LY9: variants seen among roughly 807,000 people sequenced by gnomAD.
LY9 encodes lymphocyte antigen 9, also known as T-lymphocyte surface antigen Ly-9.
In LY9, 59 loss-of-function variants were observed where a neutral mutation model predicts 64.6. That is an observed-to-expected ratio of 0.91 (90% CI 0.74 to 1.13). LY9 has a LOEUF of 1.13. Ranked by LOEUF, LY9 falls within the 50% of genes most tolerant of loss-of-function variation. LY9 has a pLI of 0.00. For synonymous variants in LY9, 281 were observed against 308.5 expected, an observed-to-expected ratio of 0.91 and a Z score of 0.93; for missense variants, 789 against 797.2, an observed-to-expected ratio of 0.99 and a Z score of 0.12.
At chr1:160,817,818 C>A (rs1405951852) in intron 5 of LY9, among the ~76,000 whole-genome samples, 1 of 152,196 alleles carries the variant, frequency 6.6e-6, no homozygotes, top group Admixed American at 6.5e-5. Context: ...CAGGATCTGA[C>A]AATGTTGGGT....
chr1:160,823,449 GCACAATGTGTTCCAGAACC>G lies in LY9; in HGVS notation c.1499-11_1506del, dbSNP rs773437909. ...GGGTTGGCATACTTTTATCAGCCCT[GCACAATGTGTTCCAGAACC>G]CACAGCTGGCCACACGCTATACTCT... is the stretch of plus-strand genomic sequence containing the variant. On this transcript the variant is annotated splice_acceptor_variant and splice_polypyrimidine_tract_variant and coding_sequence_variant and intron_variant, in exon 8 of 10. Coordinates refer to ENST00000263285, the MANE Select transcript of LY9 (RefSeq NM_002348.4). LOFTEE classifies it high-confidence loss of function. 1 of 1,595,508 alleles carries G rather than the reference GCACAATGTGTTCCAGAACC, an allele frequency of 6.3e-7. No individual in the cohort carries two copies. Among genetic ancestry groups the G allele is most frequent in the Non-Finnish European group, 8.6e-7 (1 of 1,166,078 alleles).
intron 2 of LY9, chr1:160,812,142 C>A (rs192694249): frequency 2.0e-5 from 3 of 152,332 alleles, no homozygotes; most frequent in Admixed American, 2.0e-4. Flanking sequence ...GGCTTGGTTT[C>A]TTCTGCGGCC....
Position 160,827,846 on chromosome 1 carries a change from G to A in LY9, c.*30G>A. ...AAAAGCAGCTGCTGCCTCTCTCCTG[G>A]GACCGTGGGGTTGGAAAGTCAGCTG... On this transcript the variant is annotated 3_prime_UTR_variant, in exon 10 of 10. Transcript: ENST00000263285. 1 of 1,589,388 alleles carries A rather than the reference G, an allele frequency of 6.3e-7. No individual in the cohort carries two copies. The highest frequency in any genetic ancestry group is 8.6e-7 in the Non-Finnish European group (1 of 1,163,866).
At chr1:160,802,262 C>T in intron 2 of LY9, 3 of 1,027,702 alleles carry the variant, frequency 2.9e-6, no homozygotes, top group Non-Finnish European at 3.5e-6. Flanking sequence ...AGCCTGTCCA[C>T]CCTGCAAAGA....
intron 2 of LY9, among the ~76,000 whole-genome samples, chr1:160,809,198 T>G (rs1022924757): frequency 1.3e-5 from 2 of 151,928 alleles, no homozygotes; most frequent in Admixed American, 1.3e-4. Flanking sequence ...CATTCTTTTT[T>G]TTTTTGAGAC....
At chr1:160,797,366 G>A (rs1342859093) in intron 1 of LY9, 10 of 817,206 alleles carry the variant, frequency 1.2e-5, no homozygotes, top group East Asian at 2.5e-4. Flanking sequence ...ATGGGTGAAC[G>A]AGGAGCCTAG....
chr1:160,806,922 C>CT (rs1490365291), intron 2 of LY9, among the ~76,000 whole-genome samples: 1 of 151,978 alleles, frequency 6.6e-6, no homozygotes, highest in East Asian at 1.9e-4. Context: ...CTTTTTTATT[C>CT]TTTTTATTTA....
intron 4 of LY9, among the ~76,000 whole-genome samples, chr1:160,815,736 G>C (rs1049538167): frequency 6.6e-6 from 1 of 152,198 alleles, no homozygotes; most frequent in African/African-American, 2.4e-5. Flanking sequence ...GCCAAAGTTG[G>C]CTGGGGTGAA....
At chr1:160,819,471 G>A in intron 7 of LY9, 97 bp downstream of exon 7, 1 of 1,084,198 alleles carries the variant, frequency 9.2e-7, no homozygotes, top group African/African-American at 1.5e-5. Context: ...CAGCAGTGTG[G>A]GCATCACCCA....
At chr1:160,812,435 T>G (rs1017562132) in intron 2 of LY9, 1 of 23,056 alleles carries the variant, frequency 4.3e-5, no homozygotes, top group Non-Finnish European at 1.5e-4. Context: ...TATCAGATAA[T>G]TTGACCGTTT....
chr1:160,798,128 C>T (rs975757483), intron 1 of LY9, among the ~76,000 whole-genome samples: 1 of 152,150 alleles, frequency 6.6e-6, no homozygotes, highest in Non-Finnish European at 1.5e-5. Flanking sequence ...CCCTGTGAGG[C>T]CCACATCCTG....
At chr1:160,819,012 A>G (rs568848241) in intron 6 of LY9, among the ~76,000 whole-genome samples, 1 of 152,288 alleles carries the variant, frequency 6.6e-6, no homozygotes, top group East Asian at 1.9e-4. Context: ...GGTAGAACAC[A>G]TGGGGTCCCT....
In LY9 at chr1:160,823,609, A is replaced by C; in HGVS notation, c.1643A>C (p.Asp548Ala). The change falls in exon 8 of 10, where the codon GAC becomes GCC. Residue 548 changes from aspartate to alanine, a missense_variant. Asp to Ala is a moderately radical substitution (Grantham distance 126). Coordinates refer to ENST00000263285, the MANE Select transcript of LY9 (RefSeq NM_002348.4). ...DSNLTTEEDEDRPEVHKPISG... is the reference protein window; with the variant it reads ...DSNLTTEEDEARPEVHKPISG... Reference sequence around the variant, plus strand: ...AACCTCACAACTGAGGAGGATGAGGACAGGCCTGAGGTGCACAAGCCCATC... The same window carrying C: ...AACCTCACAACTGAGGAGGATGAGGCCAGGCCTGAGGTGCACAAGCCCATC... 6.2e-7 allele frequency: 1 copy of C among 1,614,132 alleles called. No individual in the cohort carries two copies. Among genetic ancestry groups the C allele is most frequent in the Non-Finnish European group, 8.5e-7 (1 of 1,179,974 alleles).
At chr1:160,802,368 C>T (rs1372478229) in intron 2 of LY9, 10 of 987,918 alleles carry the variant, frequency 1.0e-5, no homozygotes, top group Non-Finnish European at 1.1e-5. Flanking sequence ...GCTGCGGCCC[C>T]CTCTCAGCCA....
intron 2 of LY9, among the ~76,000 whole-genome samples, chr1:160,807,557 G>T (rs553996307): frequency 1.3e-5 from 2 of 152,148 alleles, no homozygotes; most frequent in African/African-American, 4.8e-5. Flanking sequence ...CTCAGATACC[G>T]ATAATGGCAG....
In LY9 at chr1:160,814,624, G is replaced by C; in HGVS notation, c.935G>C (p.Arg312Thr). The C allele has an allele frequency of 6.2e-7, 1 of 1,614,194 alleles. No individual in the cohort carries two copies. The highest frequency in any genetic ancestry group is 8.5e-7 in the Non-Finnish European group (1 of 1,180,034). ...LIKSRDPYKN[R>T]VWVSSQDCSL... is the part of the protein sequence containing the mutation. Reference sequence around the variant, plus strand: ...AAATCCAGGGATCCTTACAAGAACAGGGTGTGGGTCTCCAGCCAGGACTGC... The same window carrying C: ...AAATCCAGGGATCCTTACAAGAACACGGTGTGGGTCTCCAGCCAGGACTGC... The change falls in exon 4 of 10, where the codon AGG becomes ACG. Residue 312 changes from arginine (R) to threonine (T), a missense_variant. Transcript: ENST00000263285.
At position 160,799,987 on chromosome 1, in the gene LY9, A is replaced by T. The variant is rs754794213; in HGVS notation, c.359A>T (p.Asn120Ile). ...TGGAGTTACTCCCTGTGCATCAGCA[A>T]TCTGACTCTGAATGATGCAGGATCC... ...TKWSYSLCISNLTLNDAGSYK... is the reference protein window; with the variant it reads ...TKWSYSLCISILTLNDAGSYK... Residue 120 changes from asparagine (N) to isoleucine (I), a missense_variant, in exon 2 of 10, where the codon AAT (asparagine) becomes ATT (isoleucine). Physicochemically the swap from Asn to Ile is moderately radical, Grantham distance 149 (BLOSUM62 -3). Coordinates refer to ENST00000263285, the MANE Select transcript of LY9 (RefSeq NM_002348.4). 1.2e-6 allele frequency: 2 copies of T among 1,614,214 alleles called. No homozygotes were observed. Among genetic ancestry groups the T allele is most frequent in the Admixed American group, 3.3e-5 (2 of 60,024 alleles).
chr1:160,822,016 A>G (rs1184306652), intron 7 of LY9, among the ~76,000 whole-genome samples: 2 of 152,324 alleles, frequency 1.3e-5, no homozygotes, highest in East Asian at 3.9e-4. Flanking sequence ...AAACTTATTC[A>G]TGAAAAGCAT....
chr1:160,816,941 GAAGTGCAGT>G, intron 5 of LY9, 78 bp downstream of exon 5: 1 of 1,460,002 alleles, frequency 6.8e-7, no homozygotes, highest in East Asian at 2.3e-5. Flanking sequence ...GATTCTTTAT[GAAGTGCAGT>G]AAGAGGCTGT....
Sources: allele counts gnomAD v4.1 joint callset (sites outside exome capture counted in the v4.1 genomes callset), GRCh38; gene constraint gnomAD v4.1.1; transcripts MANE v1.5; gene names NCBI Gene and HGNC (gene_info 2026-07-23, HGNC 2026-07-21).